The following ERG variants were observed in gnomAD, a reference collection of about 807,000 sequenced individuals.
ERG encodes ETS transcription factor ERG, also known as transcriptional regulator ERG.
A neutral mutation model predicts 55.3 loss-of-function variants in ERG; 9 were observed. The observed-to-expected ratio is 0.16, with a 90% CI of 0.10 to 0.28. The LOEUF is 0.28. ERG is among the 10% of genes least tolerant of loss of function. The pLI, the probability that ERG is intolerant of heterozygous loss-of-function variation, is 1.00. For synonymous variants in ERG, 223 were observed against 237.3 expected (o/e 0.94, Z 0.55); for missense variants, 434 against 631.6 (o/e 0.69, Z 3.35).
At chr21:38,532,274 T>C (rs1246213683) in intron 2 of ERG, among the ~76,000 whole-genome samples, 1 of 152,148 alleles carries the variant, frequency 6.6e-6, no homozygotes, top group Non-Finnish European at 1.5e-5. Context: ...TGGATTCTTT[T>C]GAGTTGCAAG....
chr21:38,583,994 T>C (rs1470501018), intron 1 of ERG, among the ~76,000 whole-genome samples: 3 of 152,164 alleles, frequency 2.0e-5, no homozygotes, highest in African/African-American at 7.2e-5. Context: ...CTTACGAAAG[T>C]CACTTAACTA....
chr21:38,376,695 G>C (rs1230360479), downstream of ERG, among the ~76,000 whole-genome samples: 1 of 152,254 alleles, frequency 6.6e-6, no homozygotes, highest in East Asian at 1.9e-4. Flanking sequence ...AGCGGATGGA[G>C]ACAGAAAATC....
intron 2 of ERG, among the ~76,000 whole-genome samples, chr21:38,445,117 T>C (rs1024539525): frequency 6.6e-6 from 1 of 151,126 alleles, no homozygotes; most frequent in Non-Finnish European, 1.5e-5. Context: ...TTCAATGGCC[T>C]TTCTTTCTTT....
chr21:38,437,974 C>CA (rs902468570), intron 2 of ERG, among the ~76,000 whole-genome samples: 5 of 152,196 alleles, frequency 3.3e-5, no homozygotes, highest in Non-Finnish European at 5.9e-5. Context: ...AAGTGAAAGT[C>CA]AAAGTCCGGC....
chr21:38,439,659 G>A (rs905139555), intron 2 of ERG, among the ~76,000 whole-genome samples: 18 of 152,238 alleles, frequency 1.2e-4, no homozygotes, highest in Admixed American at 5.9e-4. Flanking sequence ...TGTTTGATCT[G>A]GCAGTGGCCA....
intron 1 of ERG, among the ~76,000 whole-genome samples, chr21:38,635,667 A>C (rs1195364571): frequency 2.0e-5 from 3 of 152,234 alleles, no homozygotes; most frequent in Non-Finnish European, 4.4e-5. Context: ...TGAGCATAAA[A>C]TACAATCTGG....
At chr21:38,468,275 C>T (rs956972762) in intron 1 of ERG, among the ~76,000 whole-genome samples, 1 of 152,172 alleles carries the variant, frequency 6.6e-6, no homozygotes, top group South Asian at 2.1e-4. Flanking sequence ...TCCTGTTGGG[C>T]TGCTACCAGG....
chr21:38,377,100 T>C (rs926686973), downstream of ERG, among the ~76,000 whole-genome samples: 1 of 152,248 alleles, frequency 6.6e-6, no homozygotes, highest in Admixed American at 6.5e-5. Flanking sequence ...GAGTGATTTA[T>C]AACATAGTTT....
intron 2 of ERG, among the ~76,000 whole-genome samples, chr21:38,510,855 C>G (rs2059506489): frequency 6.6e-6 from 1 of 152,184 alleles, no homozygotes; most frequent in African/African-American, 2.4e-5. Context: ...GGAATAAAAG[C>G]TCACTCCATT....
chr21:38,487,834 T>C (rs2059300487), intron 1 of ERG, among the ~76,000 whole-genome samples: 2 of 152,222 alleles, frequency 1.3e-5, no homozygotes, highest in African/African-American at 2.4e-5. Context: ...TAAGCAAAAG[T>C]ATGTGAAGAA....
chr21:38,400,469 G>T, intron 6 of ERG, 105 bp downstream of exon 6: 1 of 908,982 alleles, frequency 1.1e-6, no homozygotes, highest in Non-Finnish European at 1.9e-6. Flanking sequence ...ACTGGCTTCA[G>T]CTCCGGGATC....
upstream of ERG, among the ~76,000 whole-genome samples, chr21:38,500,650 A>G (rs2059414187): frequency 1.3e-5 from 2 of 152,158 alleles, 1 homozygote; most frequent in South Asian, 4.1e-4. Context: ...TTTATGTATA[A>G]CATACATGCA....
chr21:38,534,725 A>G (rs955858824), intron 2 of ERG, among the ~76,000 whole-genome samples: 1 of 152,166 alleles, frequency 6.6e-6, no homozygotes, highest in Non-Finnish European at 1.5e-5. Flanking sequence ...CTGGGTATAT[A>G]TTCAAAAAAA....
intron 2 of ERG, among the ~76,000 whole-genome samples, chr21:38,534,026 TA>T (rs1177786368): frequency 5.3e-5 from 8 of 152,184 alleles, no homozygotes; most frequent in Admixed American, 2.0e-4. Flanking sequence ...TCACTTCACT[TA>T]TACTAAACAC....
chr21:38,615,501 C>T (rs1739801010), intron 1 of ERG, among the ~76,000 whole-genome samples: 1 of 151,906 alleles, frequency 6.6e-6, no homozygotes, highest in Admixed American at 6.6e-5. Flanking sequence ...AGGGTAGAAT[C>T]ATGAGCTTTC....
chr21:38,383,323 T>C lies in ERG; in HGVS notation c.*80A>G. On this transcript the variant is annotated 3_prime_UTR_variant, in exon 10 of 10. Coordinates refer to ENST00000288319, the MANE Select transcript of ERG (RefSeq NM_182918.4). The surrounding 1 kb of genome is among the most constrained non-coding windows in gnomAD (Gnocchi z 5.7). ...GCTTTTTTCATTCCTCTTGAGGCAC[T>C]TTTGATTCATGTTCTCCGATAGAGT... 3 of 1,365,236 alleles carry C rather than the reference T, an allele frequency of 2.2e-6. No individual in the cohort carries two copies. The South Asian group carries it at 7.4e-5, about 34-fold the overall frequency. The allele number at this position is 1,365,236 out of a possible 1,614,324, so 84.6% of individuals were successfully genotyped here. A position where few individuals can be genotyped will look rare whatever the true frequency, so the allele number is the denominator to read the frequency against.
At chr21:38,505,338 T>A (rs1601153239) in intron 2 of ERG, among the ~76,000 whole-genome samples, 1 of 152,246 alleles carries the variant, frequency 6.6e-6, no homozygotes, top group African/African-American at 2.4e-5. Context: ...GCCCTCCTCA[T>A]CCCTCGCCCC....
intron 1 of ERG, among the ~76,000 whole-genome samples, chr21:38,627,630 T>G (rs1301905697): frequency 6.6e-6 from 1 of 152,204 alleles, no homozygotes; most frequent in Non-Finnish European, 1.5e-5. Flanking sequence ...CGTAGAAGCA[T>G]GCAAGGCTTG....
chr21:38,541,107 T>C (rs1356045751), intron 2 of ERG, among the ~76,000 whole-genome samples: 1 of 152,164 alleles, frequency 6.6e-6, no homozygotes, highest in Non-Finnish European at 1.5e-5. Flanking sequence ...TATCTGGCCT[T>C]CCTTTACAAG....
Sources: allele counts gnomAD v4.1 joint callset (sites outside exome capture counted in the v4.1 genomes callset), GRCh38; gene constraint gnomAD v4.1.1; non-coding constraint Gnocchi (gnomAD v3.1); transcripts MANE v1.5; gene names NCBI Gene and HGNC (gene_info 2026-07-23, HGNC 2026-07-21).